Variants in MAP3K13 observed in about 807,000 individuals in gnomAD.
MAP3K13 encodes the protein mitogen-activated protein kinase kinase kinase 13, also known as leucine zipper-bearing kinase.
A neutral mutation model predicts 104.0 loss-of-function variants in MAP3K13; 52 were observed. That is an observed-to-expected ratio of 0.50 (90% CI 0.40 to 0.63). MAP3K13 has a LOEUF of 0.63. Ranked by LOEUF, MAP3K13 falls within the 20% of genes least tolerant of loss-of-function variation. The pLI, the probability that MAP3K13 is intolerant of heterozygous loss-of-function variation, is 0.00. For synonymous variants in MAP3K13, 394 were observed against 442.2 expected (o/e 0.89, Z 1.37); for missense variants, 914 against 1,218.5 (o/e 0.75, Z 3.72).
At chr3:185,381,736 G>A (rs910409348) in intron 1 of MAP3K13, among the ~76,000 whole-genome samples, 1 of 152,212 alleles carries the variant, frequency 6.6e-6, no homozygotes, top group Non-Finnish European at 1.5e-5. Context: ...TTAGGCATGA[G>A]TTATTGTGCA....
rs573671323 is a variant in MAP3K13 at position 185,436,567 on chromosome 3, C to T, written c.476-880C>T. 5.9e-5 allele frequency among the ~76,000 whole-genome samples: 9 copies of T among 152,176 alleles called. No homozygotes were observed. In the South Asian group the frequency reaches 1.7e-3, roughly 28 times the overall value. On this transcript the variant is annotated intron_variant, in intron 2 of 13. Coordinates refer to ENST00000265026, the MANE Select transcript of MAP3K13 (RefSeq NM_004721.5). ...TTTAAATAACTATAATAAGGCCATA[C>T]CTGTAGGGTTGTTGTAAGGATTGAA...
rs557144252 is a variant in MAP3K13, at chr3:185,310,981, C to T, written c.-86+25338C>T. ...CCAGGCTCTATGGTGGAACTTAAGACAACTTTGCAGAAGTTGAGTCAGAAG... is the reference window on the plus strand; with the variant it reads ...CCAGGCTCTATGGTGGAACTTAAGATAACTTTGCAGAAGTTGAGTCAGAAG... On this transcript the variant is annotated intron_variant, in intron 2 of 14. Coordinates refer to the MAP3K13 transcript ENST00000424227. Among the ~76,000 whole-genome samples the T allele has an allele frequency of 5.8e-4, 89 of 152,326 alleles. No homozygotes were observed. The South Asian group carries it at 0.018, about 32-fold the overall frequency.
chr3:185,455,983 T>TGATATATATGA (rs1396298492), intron 7 of MAP3K13, among the ~76,000 whole-genome samples: 1 of 147,218 alleles, frequency 6.8e-6, no homozygotes, highest in Admixed American at 6.9e-5. Flanking sequence ...GATATATATA[T>TGATATATATGA]GATATATATG....
At position 185,315,756 on chromosome 3, in the gene MAP3K13, A is replaced by C. The variant is rs904703452; in HGVS notation, c.-86+30113A>C. ...AATGAGGATAACAGTGTATCTTTTA[A>C]CTAGAAATATCTCACAGGGTTGTGA... On this transcript the variant is annotated intron_variant, in intron 2 of 14. Transcript: ENST00000424227. This position sits in a 1 kb window ranked among gnomAD's most constrained non-coding sequence, Gnocchi z 4.3. Among the ~76,000 whole-genome samples the C allele has an allele frequency of 1.3e-5, 2 of 152,192 alleles. No homozygotes were observed. Among genetic ancestry groups the C allele is most frequent in the Non-Finnish European group, 2.9e-5 (2 of 68,032 alleles).
intron 1 of MAP3K13, among the ~76,000 whole-genome samples, chr3:185,414,744 G>A (rs1577528032): frequency 1.3e-5 from 2 of 152,162 alleles, no homozygotes; most frequent in African/African-American, 4.8e-5. Context: ...TGATTTTAAT[G>A]TATAGTATAA....
intron 1 of MAP3K13, among the ~76,000 whole-genome samples, chr3:185,365,223 T>C (rs6768677): frequency 0.72 from 110,131 of 152,138 alleles, 42,259 homozygotes; most frequent in Non-Finnish European, 0.86. Context: ...TATCTTCATG[T>C]ATAGTGTACT....
rs189983689 is a variant in MAP3K13, at chr3:185,485,742, T to C, written c.*3286T>C. ...TAAGTATAGAAAAAAAAACATAGTA[T>C]ATATAGGGTTTGGTACTATCAGAGT... is the stretch of plus-strand genomic sequence containing the variant. On this transcript the variant is annotated 3_prime_UTR_variant, in exon 14 of 14. Coordinates refer to ENST00000265026, the MANE Select transcript of MAP3K13 (RefSeq NM_004721.5). 1 of 152,138 alleles carries C rather than the reference T, an allele frequency of 6.6e-6. No homozygotes were observed. Among genetic ancestry groups the C allele is most frequent in the Non-Finnish European group, 1.5e-5 (1 of 68,008 alleles). The allele number at this position is 152,138 out of a possible 1,614,324, so 9.4% of individuals were successfully genotyped here.
At position 185,398,762 on chromosome 3, in the gene MAP3K13, A is replaced by G. The variant is rs188116368; in HGVS notation, c.-85-29735A>G. Among the ~76,000 whole-genome samples the G allele has an allele frequency of 3.3e-5, 5 of 152,322 alleles. No homozygotes were observed. In the East Asian group the frequency reaches 9.6e-4, roughly 29 times the overall value. ...TTATACGTATGCACTCATTTCTTCT[A>G]TTCCTTGCAGATTATGTTGAATCAG... is the stretch of plus-strand genomic sequence containing the variant. On this transcript the variant is annotated intron_variant, in intron 1 of 13. Coordinates refer to ENST00000265026, the MANE Select transcript of MAP3K13 (RefSeq NM_004721.5).
At chr3:185,307,546 C>CCCCCCCCCCCCCA (rs58408265) in intron 2 of MAP3K13, among the ~76,000 whole-genome samples, 1 of 103,978 alleles carries the variant, frequency 9.6e-6, no homozygotes, top group African/African-American at 4.1e-5. Flanking sequence ...GCACCACCCC[C>CCCCCCCCCCCCCA]TCCCCCGCCA....
Position 185,286,164 on chromosome 3 carries a change from T to A in MAP3K13, c.-86+521T>A, listed in dbSNP as rs573547404. ...TTCTTTCTTCTTCTTTTAAAAAAAATTTGTTAGGTGGTTGATTCTCCAGGC... is the reference window on the plus strand; with the variant it reads ...TTCTTTCTTCTTCTTTTAAAAAAAAATTGTTAGGTGGTTGATTCTCCAGGC... On this transcript the variant is annotated intron_variant, in intron 2 of 14. Transcript: ENST00000424227. Among the ~76,000 whole-genome samples the A allele has an allele frequency of 3.3e-5, 5 of 152,138 alleles. No individual in the cohort carries two copies. The East Asian group carries it at 5.8e-4, about 18-fold the overall frequency.
chr3:185,329,927 C>T (rs923636428), intron 2 of MAP3K13, among the ~76,000 whole-genome samples: 6 of 120,032 alleles, frequency 5.0e-5, no homozygotes, highest in Non-Finnish European at 6.5e-5. Flanking sequence ...GACGGAGTCT[C>T]GCTCTGCAGT....
intron 2 of MAP3K13, among the ~76,000 whole-genome samples, chr3:185,340,793 T>A (rs892986763): frequency 6.6e-6 from 1 of 152,164 alleles, no homozygotes; most frequent in Non-Finnish European, 1.5e-5. Flanking sequence ...CTGCTGGCAC[T>A]CACTCTGTTC....
At chr3:185,448,578 A>G (rs181291188) in intron 5 of MAP3K13, among the ~76,000 whole-genome samples, 184 of 152,366 alleles carry the variant, frequency 1.2e-3, no homozygotes, top group African/African-American at 4.2e-3. Context: ...ATAATAGCAC[A>G]TGTCAAAATT....
At chr3:185,299,288 G>A (rs777669182) in intron 2 of MAP3K13, among the ~76,000 whole-genome samples, 2 of 152,188 alleles carry the variant, frequency 1.3e-5, no homozygotes, top group Non-Finnish European at 2.9e-5. Flanking sequence ...CACCGTAAAG[G>A]TAGGTAAGAA....
At chr3:185,361,159 T>G (rs1281790578), upstream of MAP3K13, among the ~76,000 whole-genome samples, 1 of 149,258 alleles carries the variant, frequency 6.7e-6, no homozygotes, top group Non-Finnish European at 1.5e-5. Context: ...TATACAGATT[T>G]TATATGTGTG....
At chr3:185,377,780 G>A (rs945710542) in intron 1 of MAP3K13, among the ~76,000 whole-genome samples, 6 of 152,218 alleles carry the variant, frequency 3.9e-5, no homozygotes, top group African/African-American at 7.2e-5. Context: ...GGAGGCTTCC[G>A]AGGCGATCGG....
intron 3 of MAP3K13, among the ~76,000 whole-genome samples, chr3:185,440,301 G>C (rs993844105): frequency 6.6e-6 from 1 of 152,126 alleles, no homozygotes; most frequent in African/African-American, 2.4e-5. Flanking sequence ...CTCCTCGTTC[G>C]TCAGTCAAGA....
At chr3:185,406,630 A>G (rs542857041) in intron 1 of MAP3K13, among the ~76,000 whole-genome samples, 107 of 152,320 alleles carry the variant, frequency 7.0e-4, no homozygotes, top group Non-Finnish European at 1.4e-3. Context: ...GATGGTACAA[A>G]GTATTGTAGA....
intron 1 of MAP3K13, among the ~76,000 whole-genome samples, chr3:185,422,361 C>T (rs527859662): frequency 6.6e-6 from 1 of 152,308 alleles, no homozygotes; most frequent in African/African-American, 2.4e-5. Context: ...AAATTTGATT[C>T]TCATATGTGA....
Sources: allele counts gnomAD v4.1 joint callset (sites outside exome capture counted in the v4.1 genomes callset), GRCh38; gene constraint gnomAD v4.1.1; non-coding constraint Gnocchi (gnomAD v3.1); transcripts MANE v1.5; gene names NCBI Gene and HGNC (gene_info 2026-07-23, HGNC 2026-07-21).